The following MACROD2 variants were observed in gnomAD, a reference collection of about 807,000 sequenced individuals.
MACROD2 encodes the protein mono-ADP ribosylhydrolase 2, also known as ADP-ribose glycohydrolase MACROD2.
Under a neutral mutation model 70.4 loss-of-function variants are expected in MACROD2, and 36 were observed. That is an observed-to-expected ratio of 0.51 (90% CI 0.39 to 0.68). MACROD2 has a LOEUF of 0.68. MACROD2 is among the 30% of genes least tolerant of loss of function. The pLI, the probability that MACROD2 is intolerant of heterozygous loss-of-function variation, is 0.00. For synonymous variants in MACROD2, 172 were observed against 178.8 expected, an observed-to-expected ratio of 0.96 and a Z score of 0.30; for missense variants, 496 against 538.4, an observed-to-expected ratio of 0.92 and a Z score of 0.78.
chr20:14,233,763 G>A (rs1173796845), intron 3 of MACROD2, among the ~76,000 whole-genome samples: 1 of 151,016 alleles, frequency 6.6e-6, no homozygotes, highest in Admixed American at 6.6e-5. Flanking sequence ...AGACATGGAG[G>A]TACCTTAAAT....
At chr20:15,307,321 G>A (rs6105387) in intron 6 of MACROD2, among the ~76,000 whole-genome samples, 26,142 of 152,018 alleles carry the variant, frequency 0.17, 2,635 homozygotes, top group East Asian at 0.46. Context: ...AGAGGATAAG[G>A]CTTGGATCTT....
At chr20:14,146,834 C>T (rs1379663263) in intron 3 of MACROD2, among the ~76,000 whole-genome samples, 1 of 152,122 alleles carries the variant, frequency 6.6e-6, no homozygotes, top group Non-Finnish European at 1.5e-5. Flanking sequence ...GGTCAAGTGG[C>T]TAAGTAGAGA....
intron 8 of MACROD2, among the ~76,000 whole-genome samples, chr20:15,664,388 A>G (rs6079923): frequency 0.086 from 13,095 of 152,266 alleles, 758 homozygotes; most frequent in Middle Eastern, 0.15. Flanking sequence ...GCAGCATAAA[A>G]TATTTATTTC....
chr20:15,796,914 C>T (rs1451788608), intron 8 of MACROD2, among the ~76,000 whole-genome samples: 3 of 152,032 alleles, frequency 2.0e-5, no homozygotes, highest in Admixed American at 2.0e-4. Flanking sequence ...TATTTGAATG[C>T]CTGTTATATA....
At chr20:14,322,655 C>G (rs927940996) in intron 3 of MACROD2, among the ~76,000 whole-genome samples, 1 of 152,034 alleles carries the variant, frequency 6.6e-6, no homozygotes, top group Admixed American at 6.6e-5. Flanking sequence ...TTGAAGACAG[C>G]AAACAAATAA....
intron 5 of MACROD2, among the ~76,000 whole-genome samples, chr20:15,064,303 C>G (rs753866666): frequency 6.6e-6 from 1 of 152,122 alleles, no homozygotes; most frequent in Non-Finnish European, 1.5e-5. Context: ...AAGCTAGAAG[C>G]TGCAAGGCCA....
At chr20:15,680,186 T>C (rs185032438) in intron 8 of MACROD2, among the ~76,000 whole-genome samples, 27 of 152,314 alleles carry the variant, frequency 1.8e-4, no homozygotes, top group Non-Finnish European at 3.4e-4. Context: ...TAGCATTGGA[T>C]ATCACCATTT....
chr20:14,527,277 C>T (rs2085244955), intron 4 of MACROD2, among the ~76,000 whole-genome samples: 1 of 152,020 alleles, frequency 6.6e-6, no homozygotes, highest in Non-Finnish European at 1.5e-5. Flanking sequence ...CGCAGGTTTT[C>T]GTAGGCACAC....
intron 17 of MACROD2, among the ~76,000 whole-genome samples, chr20:16,046,872 G>A (rs1342897639): frequency 6.6e-6 from 1 of 151,716 alleles, no homozygotes. Context: ...AATAGAGATA[G>A]GGTTTCACCA....
intron 3 of MACROD2, among the ~76,000 whole-genome samples, chr20:14,410,136 A>G (rs2083734072): frequency 6.6e-6 from 1 of 151,930 alleles, no homozygotes; most frequent in Admixed American, 6.6e-5. Flanking sequence ...CTTAGTTTCT[A>G]TCAAACTGTA....
At chr20:15,559,703 T>A (rs1355207763) in intron 8 of MACROD2, among the ~76,000 whole-genome samples, 1 of 152,208 alleles carries the variant, frequency 6.6e-6, no homozygotes, top group Non-Finnish European at 1.5e-5. Context: ...TCACTGCGCA[T>A]GTACAGTCAC....
chr20:14,735,877 A>C (rs1468013013), intron 5 of MACROD2, among the ~76,000 whole-genome samples: 1 of 152,058 alleles, frequency 6.6e-6, no homozygotes, highest in Non-Finnish European at 1.5e-5. Context: ...ACAATAAATA[A>C]ATAAATAAAG....
At chr20:15,270,180 C>T (rs572200332) in intron 6 of MACROD2, among the ~76,000 whole-genome samples, 1 of 136,896 alleles carries the variant, frequency 7.3e-6, no homozygotes, top group African/African-American at 2.7e-5. Context: ...TTTGGCTGTA[C>T]ACAAGTGTTT....
chr20:14,496,240 G>A (rs902479613), intron 4 of MACROD2, among the ~76,000 whole-genome samples: 14 of 152,056 alleles, frequency 9.2e-5, no homozygotes, highest in South Asian at 2.1e-4. Flanking sequence ...TCCATCAAGA[G>A]AATAATTTTT....
intron 10 of MACROD2, among the ~76,000 whole-genome samples, chr20:15,901,976 G>C (rs756391530): frequency 1.3e-5 from 2 of 152,226 alleles, no homozygotes; most frequent in South Asian, 4.1e-4. Context: ...TCCCTGATAA[G>C]TGTTTCTCAA....
At chr20:14,054,000 T>C (rs2053603822) in intron 2 of MACROD2, among the ~76,000 whole-genome samples, 1 of 152,084 alleles carries the variant, frequency 6.6e-6, no homozygotes, top group South Asian at 2.1e-4. Flanking sequence ...AGTGTAACTA[T>C]GTTATATAGA....
At chr20:14,557,643 T>C (rs1979124636) in intron 4 of MACROD2, among the ~76,000 whole-genome samples, 1 of 151,906 alleles carries the variant, frequency 6.6e-6, no homozygotes. Context: ...TCATTAGCTC[T>C]CAGGGAAATG....
chr20:15,465,873 T>G (rs2046880870), intron 7 of MACROD2, among the ~76,000 whole-genome samples: 1 of 152,172 alleles, frequency 6.6e-6, no homozygotes, highest in Non-Finnish European at 1.5e-5. Context: ...CCACACCTCT[T>G]ATACCATCCA....
intron 8 of MACROD2, among the ~76,000 whole-genome samples, chr20:15,619,015 G>C (rs1271517097): frequency 3.1e-4 from 47 of 152,172 alleles, no homozygotes; most frequent in Admixed American, 3.1e-3. Flanking sequence ...CTTGCACTGA[G>C]TCAGTCAGTT....
Sources: allele counts gnomAD v4.1 joint callset (sites outside exome capture counted in the v4.1 genomes callset), GRCh38; gene constraint gnomAD v4.1.1; transcripts MANE v1.5; gene names NCBI Gene and HGNC (gene_info 2026-07-23, HGNC 2026-07-21).